Variants in SOX6 observed in about 807,000 individuals in gnomAD.
SOX6 encodes transcription factor SOX-6.
A neutral mutation model predicts 97.8 loss-of-function variants in SOX6; 11 were observed. The ratio of observed to expected loss-of-function variants is 0.11; its 90% CI spans 0.07 to 0.19. The LOEUF is 0.19. Ranked by LOEUF, SOX6 falls within the 10% of genes least tolerant of loss-of-function variation. SOX6 has a pLI of 1.00. For synonymous variants in SOX6, 360 were observed against 371.4 expected (o/e 0.97, Z 0.35); for missense variants, 810 against 1,039.5 (o/e 0.78, Z 3.04).
rs1852647714 is a variant in SOX6 at position 16,225,108 on chromosome 11, A to G, written c.535+9474T>C. Among the ~76,000 whole-genome samples, 5 of 152,232 alleles carry G rather than the reference A, an allele frequency of 3.3e-5. No homozygotes were observed. The South Asian group carries it at 1.0e-3, about 32-fold the overall frequency. Reference sequence around the variant, plus strand: ...TTTTTTACAAGTCAGTCTCTAGATCAATATAGCATTTGTTTAATTATTATA... The same window carrying G: ...TTTTTTACAAGTCAGTCTCTAGATCGATATAGCATTTGTTTAATTATTATA... On this transcript the variant is annotated intron_variant, in intron 4 of 15. Transcript: ENST00000683767.
At chr11:16,418,889 T>G (rs947692909) in intron 1 of SOX6, among the ~76,000 whole-genome samples, 7 of 152,176 alleles carry the variant, frequency 4.6e-5, no homozygotes, top group African/African-American at 1.7e-4. Flanking sequence ...AAATGCCTTT[T>G]TTCACTTTCA....
intron 3 of SOX6, among the ~76,000 whole-genome samples, chr11:16,658,657 G>A (rs1203740855): frequency 2.0e-5 from 3 of 151,318 alleles, no homozygotes; most frequent in Non-Finnish European, 4.4e-5. Context: ...GCAGTGAGCC[G>A]AGATCAAGCC....
intron 4 of SOX6, among the ~76,000 whole-genome samples, chr11:16,536,810 G>A (rs552461598): frequency 7.9e-5 from 12 of 152,224 alleles, no homozygotes; most frequent in Non-Finnish European, 1.8e-4. Flanking sequence ...AGCTCAAACT[G>A]GGCGGAGCCC....
At chr11:16,593,302 T>C (rs961161903) in intron 4 of SOX6, among the ~76,000 whole-genome samples, 2 of 152,074 alleles carry the variant, frequency 1.3e-5, no homozygotes, top group Non-Finnish European at 2.9e-5. Context: ...TTACTCAGGG[T>C]GAGCCATGAC....
chr11:16,234,316 T>C (rs1320790281), intron 4 of SOX6, among the ~76,000 whole-genome samples: 1 of 152,188 alleles, frequency 6.6e-6, no homozygotes, highest in Admixed American at 6.5e-5. Flanking sequence ...ATAAGGTTTT[T>C]ATACTTTTTT....
intron 4 of SOX6, among the ~76,000 whole-genome samples, chr11:16,594,683 GCTTTTTTT>G (rs1293820195): frequency 4.2e-5 from 2 of 47,806 alleles, no homozygotes; most frequent in African/African-American, 1.6e-4. Context: ...TTCGGTTTTT[GCTTTTTTT>G]TTTTTTTTTT....
intron 2 of SOX6, among the ~76,000 whole-genome samples, chr11:16,721,491 G>C (rs577028558): frequency 1.5e-5 from 2 of 135,878 alleles, no homozygotes; most frequent in Non-Finnish European, 3.1e-5. Flanking sequence ...CAATGGGTGG[G>C]TCTTTTCTGT....
intron 3 of SOX6, among the ~76,000 whole-genome samples, chr11:16,249,040 G>A (rs1008024377): frequency 6.6e-6 from 1 of 151,264 alleles, no homozygotes; most frequent in African/African-American, 2.4e-5. Flanking sequence ...GGCAGAGGTT[G>A]CAGTGAGCCA....
chr11:16,226,637 G>A (rs970391864), intron 4 of SOX6, among the ~76,000 whole-genome samples: 1 of 152,090 alleles, frequency 6.6e-6, no homozygotes, highest in Non-Finnish European at 1.5e-5. Context: ...AAATAACTAT[G>A]GCATCTTCAT....
intron 4 of SOX6, among the ~76,000 whole-genome samples, chr11:16,200,770 G>T (rs559367378): frequency 6.6e-6 from 1 of 151,994 alleles, no homozygotes; most frequent in South Asian, 2.1e-4. Flanking sequence ...CTATTAGCTG[G>T]TTCTCCAAAC....
At chr11:16,414,106 T>C (rs1858877706) in intron 1 of SOX6, among the ~76,000 whole-genome samples, 1 of 152,174 alleles carries the variant, frequency 6.6e-6, no homozygotes, top group Non-Finnish European at 1.5e-5. Flanking sequence ...GTGCTAGAGA[T>C]GATACAAAGA....
intron 9 of SOX6, among the ~76,000 whole-genome samples, chr11:16,095,005 G>A (rs1043649551): frequency 6.6e-6 from 1 of 151,816 alleles, no homozygotes; most frequent in Non-Finnish European, 1.5e-5. Flanking sequence ...ACCTTTCATT[G>A]ACTACATAGT....
At chr11:16,487,464 T>A (rs983598148) in intron 4 of SOX6, among the ~76,000 whole-genome samples, 1 of 152,190 alleles carries the variant, frequency 6.6e-6, no homozygotes, top group African/African-American at 2.4e-5. Context: ...TAGAAGAGTC[T>A]TGCATTTGCA....
intron 4 of SOX6, among the ~76,000 whole-genome samples, chr11:16,565,478 A>AT: frequency 6.6e-6 from 1 of 152,116 alleles, no homozygotes; most frequent in South Asian, 2.1e-4. Flanking sequence ...CCATACTGAA[A>AT]CAAATATGAT....
chr11:16,478,849 C>G (rs12799932), upstream of SOX6, among the ~76,000 whole-genome samples: 921 of 152,224 alleles, frequency 6.1e-3, 4 homozygotes, highest in Non-Finnish European at 8.6e-3. Flanking sequence ...CTGATGGCAG[C>G]ACAAATGTGA....
chr11:16,526,478 T>C (rs1380923501), intron 4 of SOX6, among the ~76,000 whole-genome samples: 1 of 150,358 alleles, frequency 6.7e-6, no homozygotes, highest in Non-Finnish European at 1.5e-5. Flanking sequence ...CTCCGGGGCC[T>C]GTTGTGGGGT....
intron 4 of SOX6, among the ~76,000 whole-genome samples, chr11:16,200,723 A>G (rs555741743): frequency 6.6e-6 from 1 of 152,282 alleles, no homozygotes; most frequent in Admixed American, 6.5e-5. Flanking sequence ...AATCTTCTAA[A>G]TTACTTGATT....
chr11:16,670,762 T>C (rs1384568796), intron 3 of SOX6, among the ~76,000 whole-genome samples: 1 of 152,114 alleles, frequency 6.6e-6, no homozygotes, highest in Non-Finnish European at 1.5e-5. Context: ...CAACCACTAC[T>C]GAGGTCCCTT....
chr11:16,733,762 C>T (rs1217835884), intron 2 of SOX6, among the ~76,000 whole-genome samples: 3 of 148,256 alleles, frequency 2.0e-5, no homozygotes, highest in Admixed American at 6.7e-5. Flanking sequence ...CACGGTGGCT[C>T]ACGTCTGTAA....
Sources: allele counts gnomAD v4.1 joint callset (sites outside exome capture counted in the v4.1 genomes callset), GRCh38; gene constraint gnomAD v4.1.1; transcripts MANE v1.5; gene names NCBI Gene and HGNC (gene_info 2026-07-23, HGNC 2026-07-21).